KTN1: variants seen among roughly 807,000 people sequenced by gnomAD.
KTN1 encodes the protein kinectin 1, also known as kinectin.
Under a neutral mutation model 222.5 loss-of-function variants are expected in KTN1, and 130 were observed. That is an observed-to-expected ratio of 0.58 (90% CI 0.51 to 0.68). The LOEUF is 0.68. KTN1 is among the 30% of genes least tolerant of loss of function. The probability of loss-of-function intolerance (pLI) is 0.00; values close to 1 mark genes in which losing one functional copy is unlikely to be tolerated. For missense variants in KTN1, 1,508 were observed against 1,500.4 expected (o/e 1.01, Z -0.08); for synonymous variants, 512 against 496.3 (o/e 1.03, Z -0.42).
At chr14:55,647,841 G>C (rs1035416371) in intron 19 of KTN1, among the ~76,000 whole-genome samples, 184 bp from the exon 20 acceptor site, 4 of 151,692 alleles carry the variant, frequency 2.6e-5, no homozygotes, top group Non-Finnish European at 5.9e-5. Flanking sequence ...CTACTCGGGA[G>C]GGTGAGGCAG....
chr14:55,627,498 C>T (rs986591827), intron 5 of KTN1, among the ~76,000 whole-genome samples: 1 of 151,720 alleles, frequency 6.6e-6, no homozygotes, highest in South Asian at 2.1e-4. Flanking sequence ...GATACATGTG[C>T]AGAACGTGCA....
intron 41 of KTN1, among the ~76,000 whole-genome samples, chr14:55,676,221 G>C (rs966399423): frequency 7.2e-5 from 11 of 152,012 alleles, no homozygotes; most frequent in Admixed American, 6.6e-4. Context: ...TTTTAAAATT[G>C]GGATTTGGCT....
chr14:55,613,587 A>G (rs2037917850), intron 2 of KTN1, among the ~76,000 whole-genome samples: 3 of 147,998 alleles, frequency 2.0e-5, no homozygotes, highest in South Asian at 2.1e-4. Context: ...TCTGCTGCCC[A>G]AGTTCAAGTG....
intron 1 of KTN1, among the ~76,000 whole-genome samples, chr14:55,600,064 G>A (rs1039653353): frequency 1.3e-5 from 2 of 150,744 alleles, no homozygotes; most frequent in Admixed American, 6.6e-5. Context: ...AGTATTTGAT[G>A]TTCTAATTTA....
chr14:55,646,579 C>CTTCTCTTTTCTTCTTTTCT (rs1272947398), intron 18 of KTN1, among the ~76,000 whole-genome samples: 2 of 132,958 alleles, frequency 1.5e-5, no homozygotes, highest in East Asian at 4.5e-4. Context: ...TTTCTCTTTC[C>CTTCTCTTTTCTTCTTTTCT]TTCTCTTTTC....
intron 4 of KTN1, 58 bp from the exon 5 acceptor site, chr14:55,619,124 T>G: frequency 7.2e-7 from 1 of 1,393,030 alleles, no homozygotes; most frequent in Non-Finnish European, 1.0e-6. Flanking sequence ...TTTGCTGAAG[T>G]TATTATTTGT....
At chr14:55,647,298 A>G (rs575214819) in intron 19 of KTN1, among the ~76,000 whole-genome samples, 18 of 152,188 alleles carry the variant, frequency 1.2e-4, no homozygotes, top group Non-Finnish European at 1.3e-4. Flanking sequence ...GTTTATAAGA[A>G]ATGATGGACA....
chr14:55,631,341 G>GATATATAT (rs56190231), intron 7 of KTN1, among the ~76,000 whole-genome samples: 1,326 of 114,616 alleles, frequency 0.012, 21 homozygotes, highest in South Asian at 0.022. Flanking sequence ...TGATAAGGTT[G>GATATATAT]ATATATATAT....
At chr14:55,649,328 G>T (rs1202610161) in intron 21 of KTN1, among the ~76,000 whole-genome samples, 1 of 150,980 alleles carries the variant, frequency 6.6e-6, no homozygotes, top group African/African-American at 2.4e-5. Context: ...ATTTATGAAT[G>T]ATAATCAGTA....
In KTN1 at chr14:55,673,199, A is replaced by G. The variant is rs2045598626; in HGVS notation, c.3715A>G (p.Lys1239Glu). The change falls in exon 40 of 44, where the codon AAA becomes GAA. Residue 1239 changes from lysine (K) to glutamate (E), a missense_variant. Physicochemically the swap from Lys to Glu is moderately conservative, Grantham distance 56. Transcript: ENST00000395314. ...GAAAGATCTGTTGACTGAATTGCAG[A>G]AAAAACTTGATGATTCATATTCTGA... ...ELKDLLTELQ[K>E]KLDDSYSEAV... The G allele has an allele frequency of 6.2e-7, 1 of 1,613,226 alleles. No individual in the cohort carries two copies. Among genetic ancestry groups the G allele is most frequent in the Non-Finnish European group, 8.5e-7 (1 of 1,179,408 alleles).
chr14:55,654,151 C>G (rs771150351), intron 28 of KTN1, among the ~76,000 whole-genome samples: 2 of 152,098 alleles, frequency 1.3e-5, no homozygotes, highest in Non-Finnish European at 2.9e-5. Flanking sequence ...TCTAGAGAGT[C>G]TGTTGTCTTA....
chr14:55,650,905 C>T (rs112175183), intron 24 of KTN1, among the ~76,000 whole-genome samples: 1 of 151,998 alleles, frequency 6.6e-6, no homozygotes, highest in Admixed American at 6.5e-5. Flanking sequence ...AAATGAAACA[C>T]GAAACAGTTT....
intron 3 of KTN1, among the ~76,000 whole-genome samples, chr14:55,617,045 T>C (rs1429015019): frequency 2.0e-5 from 3 of 152,178 alleles, no homozygotes; most frequent in Admixed American, 6.5e-5. Flanking sequence ...TTCCAATTAA[T>C]TCCTAAACAG....
At position 55,678,110 on chromosome 14, in the gene KTN1, A is replaced by G. The variant is rs181226389; in HGVS notation, c.3856-242A>G. 3.9e-5 allele frequency among the ~76,000 whole-genome samples: 6 copies of G among 152,288 alleles called. 1 individual carries two copies. In the East Asian group the frequency reaches 9.6e-4, roughly 24 times the overall value. On this transcript the variant is annotated intron_variant, in intron 41 of 43. Transcript: ENST00000395314. Reference sequence around the variant, plus strand: ...TAGACTAATACTAACCTAAATATCAACTATGGTTATTTCTGTTTTTAAATT... The same window carrying G: ...TAGACTAATACTAACCTAAATATCAGCTATGGTTATTTCTGTTTTTAAATT...
intron 1 of KTN1, among the ~76,000 whole-genome samples, chr14:55,580,906 C>T (rs2031356449): frequency 6.6e-6 from 1 of 152,202 alleles, no homozygotes; most frequent in Non-Finnish European, 1.5e-5. Context: ...CGCCCCCTTC[C>T]CCGGCGCCCC....
chr14:55,667,711 C>T (rs1423264628), intron 34 of KTN1: 1 of 153,034 alleles, frequency 6.5e-6, no homozygotes, highest in Non-Finnish European at 1.5e-5. Context: ...ATGAACTAGG[C>T]TCTTTACATT....
intron 1 of KTN1, among the ~76,000 whole-genome samples, chr14:55,593,783 T>C (rs972679568): frequency 2.0e-5 from 3 of 152,180 alleles, no homozygotes; most frequent in African/African-American, 7.2e-5. Context: ...TGTAAAGTTA[T>C]AGCTCTGGAT....
intron 14 of KTN1, 28 bp downstream of exon 14, chr14:55,640,031 A>G: frequency 1.5e-6 from 2 of 1,300,122 alleles, no homozygotes; most frequent in Non-Finnish European, 2.2e-6. Flanking sequence ...AATGGCTGCA[A>G]TATTTTACAG....
intron 11 of KTN1, 25 bp downstream of exon 11, chr14:55,637,389 T>C (rs550662500): frequency 6.7e-7 from 1 of 1,482,612 alleles, no homozygotes; most frequent in East Asian, 2.3e-5. Context: ...TTTTTTTTTT[T>C]TAAAAAAATA....
Sources: gnomAD v4.1 joint callset for allele counts (sites outside exome capture counted in the v4.1 genomes callset) on GRCh38, gnomAD v4.1.1 for gene constraint, MANE v1.5 for transcripts, NCBI Gene and HGNC (gene_info 2026-07-23, HGNC 2026-07-21) for gene names.